Variants in CDYL observed in about 807,000 individuals in gnomAD.
CDYL encodes chromodomain Y-like protein.
CDYL carries 8 observed loss-of-function variants against 47.3 expected under a neutral mutation model. That is an observed-to-expected ratio of 0.17 (90% CI 0.10 to 0.31). The LOEUF is 0.31. Ranked by LOEUF, CDYL falls within the 10% of genes least tolerant of loss-of-function variation. CDYL has a pLI of 1.00. For synonymous variants in CDYL, 266 were observed against 265.0 expected (o/e 1.00, Z -0.04); for missense variants, 471 against 701.4 (o/e 0.67, Z 3.71).
At chr6:4,922,596 G>A (rs1302793799) in intron 2 of CDYL, among the ~76,000 whole-genome samples, 8 of 152,216 alleles carry the variant, frequency 5.3e-5, no homozygotes, top group Admixed American at 6.5e-5. Context: ...CCACCAGTAC[G>A]TGCTTCAGAG....
chr6:4,712,507 A>G (rs1435371967), intron 1 of CDYL, among the ~76,000 whole-genome samples: 1 of 152,194 alleles, frequency 6.6e-6, no homozygotes, highest in African/African-American at 2.4e-5. Flanking sequence ...AGCAGCCCAC[A>G]GCAGCCATGG....
In CDYL at chr6:4,900,768, C is replaced by T. The variant is rs763970913; in HGVS notation, c.691+8389C>T. Reference sequence around the variant, plus strand: ...TTTGCATTCATTCTTCTGTTAATTCCGTATACGTGTGTATATATATATATA... The same window carrying T: ...TTTGCATTCATTCTTCTGTTAATTCTGTATACGTGTGTATATATATATATA... On this transcript the variant is annotated intron_variant, in intron 2 of 6. Coordinates refer to ENST00000397588, the MANE Select transcript of CDYL (RefSeq NM_004824.4). Among the ~76,000 whole-genome samples, 34 of 22,718 alleles carry T rather than the reference C, an allele frequency of 1.5e-3. 1 individual carries two copies. The highest frequency in any genetic ancestry group is 3.7e-3 in the African/African-American group (32 of 8,542). 14.9% of individuals were successfully genotyped at this position (22,718 alleles called of 152,430 possible). A position where few individuals can be genotyped will look rare whatever the true frequency, so the allele number is the denominator to read the frequency against.
At chr6:4,725,677 C>T (rs6915353) in intron 2 of CDYL, among the ~76,000 whole-genome samples, 19,229 of 152,238 alleles carry the variant, frequency 0.13, 1,463 homozygotes, top group African/African-American at 0.22. Context: ...CGGTTCCGCC[C>T]GCGCCTCTCC....
intron 1 of CDYL, among the ~76,000 whole-genome samples, chr6:4,787,824 G>A (rs1471333070): frequency 6.9e-6 from 1 of 143,932 alleles, no homozygotes; most frequent in Non-Finnish European, 1.5e-5. Context: ...CCAGGCTGGA[G>A]GGCAATGGCA....
chr6:4,805,683 C>T (rs1447201238), intron 1 of CDYL, among the ~76,000 whole-genome samples: 2 of 152,042 alleles, frequency 1.3e-5, no homozygotes, highest in Non-Finnish European at 2.9e-5. Flanking sequence ...GGGGCAGTGA[C>T]GTGTGAGGGC....
intron 3 of CDYL, among the ~76,000 whole-genome samples, chr6:4,936,336 G>A (rs778732386): frequency 1.8e-4 from 27 of 152,128 alleles, no homozygotes; most frequent in Non-Finnish European, 2.5e-4. Context: ...ACTGGTTGTT[G>A]GAAAGGTTAG....
At chr6:4,942,303 T>C (rs890143899) in intron 4 of CDYL, among the ~76,000 whole-genome samples, 1 of 151,920 alleles carries the variant, frequency 6.6e-6, no homozygotes, top group Non-Finnish European at 1.5e-5. Flanking sequence ...GACACAACCC[T>C]CCTCACCTCC....
chr6:4,751,624 C>T (rs1430466327), intron 3 of CDYL, among the ~76,000 whole-genome samples: 1 of 152,194 alleles, frequency 6.6e-6, no homozygotes, highest in East Asian at 1.9e-4. Context: ...ACCCTAGATT[C>T]CCATAATACA....
chr6:4,707,801 GTTTT>G (rs2127405282), intron 1 of CDYL, among the ~76,000 whole-genome samples: 1 of 152,140 alleles, frequency 6.6e-6, no homozygotes, highest in South Asian at 2.1e-4. Flanking sequence ...AACCTCATTT[GTTTT>G]TAACTTTTTT....
intron 1 of CDYL, among the ~76,000 whole-genome samples, chr6:4,862,041 C>A (rs1761184174): frequency 6.6e-6 from 1 of 152,162 alleles, no homozygotes. Flanking sequence ...CCCCTACTCC[C>A]CAGAAACCAG....
chr6:4,916,383 T>C (rs545571131), intron 2 of CDYL, among the ~76,000 whole-genome samples: 1 of 152,330 alleles, frequency 6.6e-6, no homozygotes, highest in African/African-American at 2.4e-5. Context: ...AAGGATAGTC[T>C]TTATATAAAA....
At chr6:4,720,165 AAG>A (rs1757341947) in intron 2 of CDYL, among the ~76,000 whole-genome samples, 1 of 152,230 alleles carries the variant, frequency 6.6e-6, no homozygotes, top group Non-Finnish European at 1.5e-5. Context: ...CATTTCTCTG[AAG>A]GAAAAAAACT....
At position 4,913,894 on chromosome 6, in the gene CDYL, G is replaced by A. The variant is rs145400463; in HGVS notation, c.691+21515G>A. 3.9e-3 allele frequency among the ~76,000 whole-genome samples: 598 copies of A among 152,374 alleles called. 7 individuals carry two copies. The highest frequency in any genetic ancestry group is 0.016 in the South Asian group (75 of 4,832). On this transcript the variant is annotated intron_variant, in intron 2 of 6. Coordinates refer to ENST00000397588, the MANE Select transcript of CDYL (RefSeq NM_004824.4). ...TTGGCCAGGAGCCCTTGTTGGCGGA[G>A]CCCGGGTCTAGCCTGTTGGCCACCC... is the stretch of plus-strand genomic sequence containing the variant.
chr6:4,785,073 A>G (rs575300290), intron 1 of CDYL, among the ~76,000 whole-genome samples: 15 of 152,172 alleles, frequency 9.9e-5, no homozygotes, highest in Non-Finnish European at 1.9e-4. Flanking sequence ...GTGAGAATGG[A>G]CTAATACACA....
At chr6:4,896,382 T>C (rs1762284463) in intron 2 of CDYL, among the ~76,000 whole-genome samples, 1 of 152,216 alleles carries the variant, frequency 6.6e-6, no homozygotes, top group Non-Finnish European at 1.5e-5. Flanking sequence ...CCAGACTAAA[T>C]CGAACTGTGC....
chr6:4,945,282 CTG>C (rs1192817585), intron 5 of CDYL, among the ~76,000 whole-genome samples: 2 of 152,184 alleles, frequency 1.3e-5, no homozygotes, highest in Non-Finnish European at 2.9e-5. Context: ...TATGGGAACT[CTG>C]TACTACTTTT....
At chr6:4,768,157 C>T (rs1306140164) in intron 3 of CDYL, among the ~76,000 whole-genome samples, 13 of 152,172 alleles carry the variant, frequency 8.5e-5, no homozygotes, top group Non-Finnish European at 1.5e-5. Flanking sequence ...CTTTCCTAAG[C>T]CTGGGACCAT....
chr6:4,790,246 C>T (rs924069828), intron 1 of CDYL, among the ~76,000 whole-genome samples: 3 of 152,144 alleles, frequency 2.0e-5, no homozygotes, highest in Non-Finnish European at 2.9e-5. Context: ...CTTTTAAATA[C>T]GAAGACAGCT....
chr6:4,909,097 C>T (rs1209328029), intron 2 of CDYL, among the ~76,000 whole-genome samples: 1 of 152,206 alleles, frequency 6.6e-6, no homozygotes, highest in African/African-American at 2.4e-5. Flanking sequence ...CTCTGTATTT[C>T]ACCTGACGCC....
Sources: gnomAD v4.1 joint callset for allele counts (sites outside exome capture counted in the v4.1 genomes callset) on GRCh38, gnomAD v4.1.1 for gene constraint, MANE v1.5 for transcripts, NCBI Gene and HGNC (gene_info 2026-07-23, HGNC 2026-07-21) for gene names.